Variants in ALG14 observed in about 807,000 individuals in gnomAD.
The protein encoded by ALG14 is UDP-N-acetylglucosamine transferase subunit ALG14.
A neutral mutation model predicts 22.8 loss-of-function variants in ALG14; 17 were observed. The ratio of observed to expected loss-of-function variants is 0.75; its 90% CI spans 0.51 to 1.12. The LOEUF is 1.12. ALG14 is among the 50% of genes most tolerant of loss of function. ALG14 has a pLI of 0.00. For missense variants in ALG14, 288 were observed against 271.8 expected, an observed-to-expected ratio of 1.06 and a Z score of -0.42; for synonymous variants, 89 against 103.7, an observed-to-expected ratio of 0.86 and a Z score of 0.86.
At chr1:95,022,404 T>C in intron 3 of ALG14, 2 of 980,004 alleles carry the variant, frequency 2.0e-6, no homozygotes, top group Non-Finnish European at 2.4e-6. Flanking sequence ...AGAAACCAGA[T>C]ATTTGGGGGG....
At chr1:95,009,686 G>C (rs1673313427) in intron 3 of ALG14, among the ~76,000 whole-genome samples, 2 of 152,132 alleles carry the variant, frequency 1.3e-5, no homozygotes, top group Admixed American at 1.3e-4. Context: ...AACTATCACA[G>C]GTTGGAGGAG....
chr1:95,072,574 C>G (rs974737339), intron 1 of ALG14, among the ~76,000 whole-genome samples, 189 bp downstream of exon 1: 30 of 152,248 alleles, frequency 2.0e-4, no homozygotes, highest in African/African-American at 7.2e-4. Context: ...TAAAAAAAAC[C>G]TCTGGGCCGC....
intron 2 of ALG14, among the ~76,000 whole-genome samples, chr1:95,063,141 AAC>A (rs937564294): frequency 1.7e-4 from 26 of 151,110 alleles, no homozygotes; most frequent in African/African-American, 5.6e-4. Flanking sequence ...ACTTTTTAAT[AAC>A]AGTTTTTTTC....
At chr1:95,033,440 C>T (rs1272137825) in intron 2 of ALG14, among the ~76,000 whole-genome samples, 4 of 148,722 alleles carry the variant, frequency 2.7e-5, no homozygotes, top group Non-Finnish European at 5.9e-5. Context: ...CACACACACA[C>T]ACACATACAT....
chr1:95,043,696 A>G (rs1045479357), intron 2 of ALG14, among the ~76,000 whole-genome samples: 1 of 152,082 alleles, frequency 6.6e-6, no homozygotes, highest in African/African-American at 2.4e-5. Flanking sequence ...TGAAGCTTCA[A>G]GGACCTTTTA....
rs1672363231 is a variant in ALG14, at chr1:94,974,772, A to G, written c.*8304T>C. 6.6e-6 allele frequency: 1 copy of G among 152,232 alleles called. No homozygotes were observed. Among genetic ancestry groups the G allele is most frequent in the Admixed American group, 6.5e-5 (1 of 15,286 alleles). 9.4% of individuals were successfully genotyped at this position (152,232 alleles called of 1,614,324 possible). A position where few individuals can be genotyped will look rare whatever the true frequency, so the allele number is the denominator to read the frequency against. On this transcript the variant is annotated 3_prime_UTR_variant, in exon 4 of 4. Transcript: ENST00000370205. ...AATTATTCCAAAACTTCGTGGTGGA[A>G]AACTACTACCATTTAATCATGCCTA...
At chr1:95,026,462 ATGTGTGTG>A (rs141495807) in intron 3 of ALG14, among the ~76,000 whole-genome samples, 552 of 142,352 alleles carry the variant, frequency 3.9e-3, no homozygotes, top group Middle Eastern at 0.01. Context: ...AGCCCAAGGA[ATGTGTGTG>A]TGTGTGTGTG....
Position 94,977,663 on chromosome 1 carries a change from T to TG in ALG14, c.*5412_*5413insC, listed in dbSNP as rs1318599763. The TG allele has an allele frequency of 6.6e-6, 1 of 151,914 alleles. No homozygotes were observed. The highest frequency in any genetic ancestry group is 1.5e-5 in the Non-Finnish European group (1 of 67,996). 9.4% of individuals were successfully genotyped at this position (151,914 alleles called of 1,614,324 possible). On this transcript the variant is annotated 3_prime_UTR_variant, in exon 4 of 4. Transcript: ENST00000370205. ...GCTCATTGGGATATATTTTTTTTTT[T>TG]TCTGAGGCAGGGTCTCACTCTGTCA...
chr1:95,039,938 C>T (rs887494913), intron 2 of ALG14, among the ~76,000 whole-genome samples: 5 of 151,930 alleles, frequency 3.3e-5, no homozygotes, highest in African/African-American at 9.7e-5. Flanking sequence ...TTTGGGAGGC[C>T]GAGGTGGGCG....
At chr1:95,062,428 C>T (rs771246334) in intron 2 of ALG14, among the ~76,000 whole-genome samples, 7 of 152,230 alleles carry the variant, frequency 4.6e-5, no homozygotes, top group Non-Finnish European at 7.4e-5. Flanking sequence ...ACTAACTATT[C>T]TTCCTGATGC....
intron 2 of ALG14, among the ~76,000 whole-genome samples, chr1:95,030,178 G>A (rs988995863): frequency 1.3e-5 from 2 of 152,102 alleles, no homozygotes; most frequent in Non-Finnish European, 2.9e-5. Context: ...TGAAGTTTGG[G>A]AAAGAAATAA....
Position 94,976,291 on chromosome 1 carries a change from A to G in ALG14, c.*6785T>C, listed in dbSNP as rs1453032990. The G allele has an allele frequency of 6.6e-6, 1 of 152,160 alleles. No homozygotes were observed. Among genetic ancestry groups the G allele is most frequent in the East Asian group, 1.9e-4 (1 of 5,190 alleles). 9.4% of individuals were successfully genotyped at this position (152,160 alleles called of 1,614,324 possible). A position where few individuals can be genotyped will look rare whatever the true frequency, so the allele number is the denominator to read the frequency against. On this transcript the variant is annotated 3_prime_UTR_variant, in exon 4 of 4. Coordinates refer to ENST00000370205, the MANE Select transcript of ALG14 (RefSeq NM_144988.4). ...TCCCATATTAAAAAAAAATTAGAGAACTTGGATACTAAGGTAGGAGTTTGG... is the reference window on the plus strand; with the variant it reads ...TCCCATATTAAAAAAAAATTAGAGAGCTTGGATACTAAGGTAGGAGTTTGG...
intron 2 of ALG14, among the ~76,000 whole-genome samples, chr1:95,058,314 G>C (rs75698551): frequency 1.5e-5 from 1 of 68,126 alleles, no homozygotes; most frequent in African/African-American, 5.3e-5. Flanking sequence ...AAAAAAAAAA[G>C]ATATTTTCAG....
chr1:94,993,019 T>C (rs762274405), intron 3 of ALG14, among the ~76,000 whole-genome samples: 1 of 151,228 alleles, frequency 6.6e-6, no homozygotes, highest in Non-Finnish European at 1.5e-5. Context: ...ACATAGACTA[T>C]GTGGGCTATG....
chr1:95,016,645 A>G (rs1469782892), intron 3 of ALG14, among the ~76,000 whole-genome samples: 1 of 152,164 alleles, frequency 6.6e-6, no homozygotes, highest in Non-Finnish European at 1.5e-5. Flanking sequence ...CAGTGACAGC[A>G]GGTTTATCTC....
rs575105335 is a variant in ALG14 at position 94,977,654 on chromosome 1, T to TA, written c.*5421_*5422insT. ...CAAACAAAAGCTCATTGGGATATAT[T>TA]TTTTTTTTTTCTGAGGCAGGGTCTC... On this transcript the variant is annotated 3_prime_UTR_variant, in exon 4 of 4. Coordinates refer to ENST00000370205, the MANE Select transcript of ALG14 (RefSeq NM_144988.4). 50 of 149,626 alleles carry TA rather than the reference T, an allele frequency of 3.3e-4. No individual in the cohort carries two copies. The highest frequency in any genetic ancestry group is 1.2e-3 in the African/African-American group (47 of 40,658). The allele number at this position is 149,626 out of a possible 1,614,324, so 9.3% of individuals were successfully genotyped here. A position where few individuals can be genotyped will look rare whatever the true frequency, so the allele number is the denominator to read the frequency against.
In ALG14 at chr1:94,975,561, T is replaced by C. The variant is rs552939488; in HGVS notation, c.*7515A>G. On this transcript the variant is annotated 3_prime_UTR_variant, in exon 4 of 4. Transcript: ENST00000370205. The stretch of plus-strand genomic sequence containing the variant: ...CTATGTTTGATTTTTGTGAAACTGC[T>C]GAACTGTTTTCCACAGCTGCTGCAC... 2 of 152,328 alleles carry C rather than the reference T, an allele frequency of 1.3e-5. No homozygotes were observed. The highest frequency in any genetic ancestry group is 2.1e-4 in the South Asian group (1 of 4,824). 9.4% of individuals were successfully genotyped at this position (152,328 alleles called of 1,614,324 possible). A position where few individuals can be genotyped will look rare whatever the true frequency, so the allele number is the denominator to read the frequency against.
chr1:94,989,651 G>A (rs1672724733), intron 3 of ALG14, among the ~76,000 whole-genome samples: 1 of 152,366 alleles, frequency 6.6e-6, no homozygotes, highest in East Asian at 1.9e-4. Context: ...TCCAGCAACA[G>A]TAGCAGCAGC....
intron 3 of ALG14, among the ~76,000 whole-genome samples, chr1:95,001,047 A>G (rs1673051814): frequency 6.6e-6 from 1 of 152,200 alleles, no homozygotes; most frequent in South Asian, 2.1e-4. Context: ...TGCAATATTT[A>G]TTTTGCTTAC....
Sources: gnomAD v4.1 joint callset for allele counts (sites outside exome capture counted in the v4.1 genomes callset) on GRCh38, gnomAD v4.1.1 for gene constraint, MANE v1.5 for transcripts, NCBI Gene and HGNC (gene_info 2026-07-23, HGNC 2026-07-21) for gene names.